SEMA3A: variants seen among roughly 807,000 people sequenced by gnomAD.
The protein encoded by SEMA3A is semaphorin 3A, also known as semaphorin-3A.
In SEMA3A, 29 loss-of-function variants were observed where a neutral mutation model predicts 97.9. The observed-to-expected ratio is 0.30, with a 90% CI of 0.22 to 0.40. SEMA3A has a LOEUF of 0.40. SEMA3A is among the 10% of genes least tolerant of loss of function. The pLI is 1.00. For synonymous variants in SEMA3A, 321 were observed against 323.7 expected (o/e 0.99, Z 0.09); for missense variants, 763 against 951.3 (o/e 0.80, Z 2.60).
chr7:84,450,146 G>A (rs2116363035), intron 1 of SEMA3A, among the ~76,000 whole-genome samples: 1 of 151,998 alleles, frequency 6.6e-6, no homozygotes, highest in South Asian at 2.1e-4. Context: ...TAATTTTTTT[G>A]GGAAACCTCC....
chr7:84,137,689 T>TAAAAAAAA (rs58880773), intron 1 of SEMA3A, among the ~76,000 whole-genome samples: 2 of 85,276 alleles, frequency 2.3e-5, no homozygotes, highest in African/African-American at 4.5e-5. Context: ...GGCCAAACTT[T>TAAAAAAAA]AAAAAAAAAA....
upstream of SEMA3A, chr7:84,195,132 A>G (rs1160842096): frequency 6.6e-6 from 1 of 151,972 alleles, no homozygotes; most frequent in African/African-American, 2.4e-5. Flanking sequence ...TTTCCCCAAC[A>G]CTCACTAGAC....
At chr7:83,961,872 G>A in intron 16 of SEMA3A, 46 bp from the exon 17 acceptor site, 1 of 1,407,848 alleles carries the variant, frequency 7.1e-7, no homozygotes, top group Non-Finnish European at 9.8e-7. Context: ...ATATTTAAAA[G>A]AAATAGAAGC....
chr7:84,208,368 C>G (rs1439727365), intron 3 of SEMA3A, among the ~76,000 whole-genome samples: 1 of 151,322 alleles, frequency 6.6e-6, no homozygotes, highest in African/African-American at 2.4e-5. Context: ...AGGAGAATGG[C>G]GTGAACCCGG....
intron 7 of SEMA3A, 57 bp downstream of exon 7, chr7:84,014,152 A>G: frequency 1.3e-6 from 2 of 1,524,966 alleles, no homozygotes; most frequent in Non-Finnish European, 1.8e-6. Flanking sequence ...AAATTTTAAA[A>G]AGCAAAGCTG....
chr7:84,312,781 T>G (rs1284025641), intron 2 of SEMA3A, among the ~76,000 whole-genome samples: 2 of 145,996 alleles, frequency 1.4e-5, no homozygotes, highest in Non-Finnish European at 3.0e-5. Context: ...TTAGGCAACC[T>G]TTGAATCTAA....
rs373917054 is a variant in SEMA3A at position 84,010,733 on chromosome 7, AT to A, written c.995+288del. 0.56 allele frequency among the ~76,000 whole-genome samples: 85,139 copies of A among 152,054 alleles called. 25,250 individuals are homozygous for A. Among genetic ancestry groups the A allele is most frequent in the African/African-American group, 0.75 (31,112 of 41,508 alleles). ...TTCCATCTGTATAATATTTTACATT[AT>A]TATAATAATGTAAAAGGTTTAAAGT... On this transcript the variant is annotated intron_variant, in intron 9 of 16. Coordinates refer to ENST00000265362, the MANE Select transcript of SEMA3A (RefSeq NM_006080.3).
intron 3 of SEMA3A, among the ~76,000 whole-genome samples, chr7:84,207,122 T>A (rs189546911): frequency 6.6e-6 from 1 of 152,382 alleles, no homozygotes; most frequent in Admixed American, 6.5e-5. Flanking sequence ...ATGAATATAT[T>A]CGTCTTGTAG....
intron 2 of SEMA3A, among the ~76,000 whole-genome samples, chr7:84,351,027 A>T (rs1030487100): frequency 6.6e-5 from 10 of 151,710 alleles, no homozygotes; most frequent in Non-Finnish European, 1.2e-4. Flanking sequence ...AGTTATATAA[A>T]CTTAGGGAAA....
intron 3 of SEMA3A, among the ~76,000 whole-genome samples, chr7:84,206,425 G>T (rs1236987320): frequency 2.6e-5 from 4 of 151,232 alleles, no homozygotes; most frequent in African/African-American, 9.7e-5. Context: ...AGGGTTCATG[G>T]CATTCTCCTG....
chr7:84,021,927 A>T (rs999193978), intron 6 of SEMA3A, among the ~76,000 whole-genome samples: 1 of 151,546 alleles, frequency 6.6e-6, no homozygotes, highest in Non-Finnish European at 1.5e-5. Context: ...TAAATTTGCT[A>T]CTATTTCTGC....
chr7:84,378,186 T>G (rs1803157735), intron 1 of SEMA3A, among the ~76,000 whole-genome samples: 1 of 152,112 alleles, frequency 6.6e-6, no homozygotes, highest in Non-Finnish European at 1.5e-5. Context: ...CATAATGTCA[T>G]TCTATGATCA....
chr7:83,964,674 C>A (rs771472006), intron 15 of SEMA3A, among the ~76,000 whole-genome samples: 1 of 152,166 alleles, frequency 6.6e-6, no homozygotes, highest in Non-Finnish European at 1.5e-5. Context: ...TGAAACAAAA[C>A]TCTTCCAATA....
chr7:84,385,742 G>A (rs189474725), intron 1 of SEMA3A, among the ~76,000 whole-genome samples: 162 of 152,078 alleles, frequency 1.1e-3, no homozygotes, highest in Middle Eastern at 3.4e-3. Flanking sequence ...GCTTTGATGC[G>A]GTTTAATCAA....
At chr7:84,037,699 A>G (rs964043511) in intron 6 of SEMA3A, among the ~76,000 whole-genome samples, 1 of 152,144 alleles carries the variant, frequency 6.6e-6, no homozygotes, top group Non-Finnish European at 1.5e-5. Context: ...ATTAATTTAT[A>G]AAATTACTAC....
intron 12 of SEMA3A, among the ~76,000 whole-genome samples, chr7:84,000,688 C>G (rs1790404724): frequency 6.6e-6 from 1 of 152,088 alleles, no homozygotes; most frequent in Non-Finnish European, 1.5e-5. Context: ...AGTCTAAACC[C>G]TTTCCAGTAG....
At chr7:84,075,100 GACA>G (rs1456722574) in intron 4 of SEMA3A, among the ~76,000 whole-genome samples, 1 of 151,588 alleles carries the variant, frequency 6.6e-6, no homozygotes, top group Admixed American at 6.6e-5. Context: ...TATTGAGCTA[GACA>G]ACATTCCCAG....
At position 84,186,014 on chromosome 7, in the gene SEMA3A, A is replaced by G. The variant is rs553234760; in HGVS notation, c.112+8461T>C. On this transcript the variant is annotated intron_variant, in intron 1 of 16. Coordinates refer to ENST00000265362, the MANE Select transcript of SEMA3A (RefSeq NM_006080.3). ...ATATAGACAACCACGTATCAACTCT[A>G]CTCTATGAAGTTCCTAGCCTGCTAT... 2.2e-4 allele frequency among the ~76,000 whole-genome samples: 34 copies of G among 152,116 alleles called. No individual in the cohort carries two copies. In the South Asian group the frequency reaches 6.9e-3, roughly 31 times the overall value.
chr7:84,338,898 G>A (rs1802096514), intron 2 of SEMA3A, among the ~76,000 whole-genome samples: 1 of 152,128 alleles, frequency 6.6e-6, no homozygotes, highest in Non-Finnish European at 1.5e-5. Context: ...GAACTGCATG[G>A]CCAAATCTAG....
Sources: gnomAD v4.1 joint callset for allele counts (sites outside exome capture counted in the v4.1 genomes callset) on GRCh38, gnomAD v4.1.1 for gene constraint, MANE v1.5 for transcripts, NCBI Gene and HGNC (gene_info 2026-07-23, HGNC 2026-07-21) for gene names.